Variants in HSPG2 observed in about 807,000 individuals in gnomAD.
The protein encoded by HSPG2 is heparan sulfate proteoglycan 2.
HSPG2 carries 278 observed loss-of-function variants against 526.6 expected under a neutral mutation model. The ratio of observed to expected loss-of-function variants is 0.53; its 90% CI spans 0.48 to 0.58. The LOEUF is 0.58. Ranked by LOEUF, HSPG2 falls within the 20% of genes least tolerant of loss-of-function variation. The probability of loss-of-function intolerance (pLI) is 0.00; values close to 1 mark genes in which losing one functional copy is unlikely to be tolerated. For synonymous variants in HSPG2, 2,465 were observed against 2,555.4 expected, an observed-to-expected ratio of 0.96 and a Z score of 1.07; for missense variants, 5,354 against 6,099.5, an observed-to-expected ratio of 0.88 and a Z score of 4.07.
At chr1:21,912,596 G>A (rs951449292) in intron 1 of HSPG2, among the ~76,000 whole-genome samples, 2 of 152,170 alleles carry the variant, frequency 1.3e-5, no homozygotes, top group Admixed American at 6.5e-5. Context: ...GAGGGCCTGG[G>A]TTCAATCCCA....
chr1:21,823,606 C>G lies in HSPG2; in HGVS notation c.13003+10G>C. 6.2e-7 allele frequency: 1 copy of G among 1,612,856 alleles called. No individual in the cohort carries two copies. Among genetic ancestry groups the G allele is most frequent in the Non-Finnish European group, 8.5e-7 (1 of 1,179,092 alleles). ...CCTGCCCCTGCCCTGAGAAGGAGCCCCAGACTTACCGATGTAGACGCTGCC... is the reference window on the plus strand; with the variant it reads ...CCTGCCCCTGCCCTGAGAAGGAGCCGCAGACTTACCGATGTAGACGCTGCC... On this transcript the variant is annotated intron_variant, in intron 96 of 96. Coordinates refer to ENST00000374695, the MANE Select transcript of HSPG2 (RefSeq NM_005529.7).
chr1:21,919,569 G>A (rs1196142870), intron 1 of HSPG2, among the ~76,000 whole-genome samples: 2 of 152,184 alleles, frequency 1.3e-5, no homozygotes, highest in Non-Finnish European at 2.9e-5. Flanking sequence ...AAGAGTATGA[G>A]CATTGATGGA....
chr1:21,875,890 G>T lies in HSPG2; in HGVS notation c.3156C>A (p.Pro1052=), dbSNP rs1253885726. ...HVAQEPSPGQ[P]STFIVPFREQ... is the part of the protein sequence containing the mutation. ...CCCGGAAAGGCACAATGAAGGTGCTGGGCTGGCCGGGGCTGGGCTCCTGGG... is the reference window on the plus strand; with the variant it reads ...CCCGGAAAGGCACAATGAAGGTGCTTGGCTGGCCGGGGCTGGGCTCCTGGG... Residue 1052 remains proline (P), a synonymous_variant, in exon 24 of 97, where the codon CCC becomes CCA. Transcript: ENST00000374695. The T allele has an allele frequency of 6.2e-7, 1 of 1,614,096 alleles. No individual in the cohort carries two copies. Among genetic ancestry groups the T allele is most frequent in the African/African-American group, 1.3e-5 (1 of 75,066 alleles).
At chr1:21,850,230 A>G in intron 56 of HSPG2, 38 bp from the exon 57 acceptor site, 1 of 1,612,882 alleles carries the variant, frequency 6.2e-7, no homozygotes, top group Non-Finnish European at 8.5e-7. Flanking sequence ...GCCGGCTAGG[A>G]GGTGAGATGA....
rs2152684434 is a variant in HSPG2 at position 21,824,960 on chromosome 1, A to C, written c.12590-181T>G. On this transcript the variant is annotated intron_variant, in intron 91 of 96. Coordinates refer to ENST00000374695, the MANE Select transcript of HSPG2 (RefSeq NM_005529.7). The surrounding 1 kb of genome is among the most constrained non-coding windows in gnomAD (Gnocchi z 5.9). ...GGGAGCCTATGACCTTGGATGGGAA[A>C]GCATTACACCTCAATTTCACTCACT... is the stretch of plus-strand genomic sequence containing the variant. 1.5e-6 allele frequency: 1 copy of C among 655,664 alleles called. No individual in the cohort carries two copies. The allele number at this position is 655,664 out of a possible 1,614,324, so 40.6% of individuals were successfully genotyped here. A position where few individuals can be genotyped will look rare whatever the true frequency, so the allele number is the denominator to read the frequency against.
rs2152694030 is a variant in HSPG2 at position 21,832,590 on chromosome 1, A to G, written c.11112T>C (p.Asn3704=). ...GGCTCCCTGGGACTCGCTTCTGCCCATTGTACAGCAGCATCCCTGGGTGGG... is the reference window on the plus strand; with the variant it reads ...GGCTCCCTGGGACTCGCTTCTGCCCGTTGTACAGCAGCATCCCTGGGTGGG... The part of the protein sequence containing the change: ...PDSADGMLLY[N]GQKRVPGSPT... Residue 3704 remains asparagine, a synonymous_variant, in exon 81 of 97, where the codon AAT becomes AAC. Coordinates refer to ENST00000374695, the MANE Select transcript of HSPG2 (RefSeq NM_005529.7). The G allele has an allele frequency of 6.2e-7, 1 of 1,614,052 alleles. No homozygotes were observed. The highest frequency in any genetic ancestry group is 8.5e-7 in the Non-Finnish European group (1 of 1,179,958).
intron 70 of HSPG2, 41 bp from the exon 71 acceptor site, chr1:21,841,326 T>C (rs760877095): frequency 1.2e-6 from 2 of 1,610,220 alleles, no homozygotes; most frequent in South Asian, 1.1e-5. Context: ...CAGGCAGGGC[T>C]CTGCTGCTCA....
At chr1:21,844,046 C>G (rs1258038159) in intron 65 of HSPG2, 102 bp downstream of exon 65, 30 of 1,499,548 alleles carry the variant, frequency 2.0e-5, no homozygotes, top group Non-Finnish European at 2.5e-5. Context: ...CTGCCATTTC[C>G]CACAAGCCCC....
rs746201509 is a variant in HSPG2, at chr1:21,838,974, C to T, written c.10001G>A (p.Arg3334His). 100 of 1,612,504 alleles carry T rather than the reference C, an allele frequency of 6.2e-5. 2 individuals are homozygous for T. The highest frequency in any genetic ancestry group is 2.9e-4 in the South Asian group (26 of 91,042). The change falls in exon 74 of 97, where the codon CGC (arginine) becomes CAC (histidine). Residue 3334 changes from arginine (R) to histidine (H), a missense_variant. Physicochemically the swap from Arg to His is conservative, Grantham distance 29. Coordinates refer to ENST00000374695, the MANE Select transcript of HSPG2 (RefSeq NM_005529.7). ...CCTCCCAGGAAGGCTGCTGCCCACGCGGCTCCACTGGAAGGTGAGTGGGGG... is the reference window on the plus strand; with the variant it reads ...CCTCCCAGGAAGGCTGCTGCCCACGTGGCTCCACTGGAAGGTGAGTGGGGG... ...GTPPLTFQWS[R>H]VGSSLPGRAT... is the part of the protein sequence containing the mutation.
At chr1:21,832,934 G>C (rs1361310466) in intron 80 of HSPG2, 2 of 557,748 alleles carry the variant, frequency 3.6e-6, no homozygotes, top group Non-Finnish European at 6.4e-6. Flanking sequence ...ACGAGAGAAA[G>C]AGAGGAGGAA....
Position 21,857,015 on chromosome 1 carries a change from C to T in HSPG2, c.5575G>A (p.Ala1859Thr). 6.2e-7 allele frequency: 1 copy of T among 1,614,042 alleles called. No homozygotes were observed. The highest frequency in any genetic ancestry group is 8.5e-7 in the Non-Finnish European group (1 of 1,179,928). Residue 1859 changes from alanine (A) to threonine (T), a missense_variant and splice_region_variant, in exon 44 of 97, where the codon GCC becomes ACC. Physicochemically the swap from Ala to Thr is moderately conservative, Grantham distance 58. Transcript: ENST00000374695. Reference protein sequence around the residue: ...DQGTATLHVQASGTLSAPVVS... With the variant: ...DQGTATLHVQTSGTLSAPVVS... ...AATCAGGTATAGATGGGAGGTGTACCCTGCACATGTAGAGTGGCTGTGCCC... is the reference window on the plus strand; with the variant it reads ...AATCAGGTATAGATGGGAGGTGTACTCTGCACATGTAGAGTGGCTGTGCCC...
At chr1:21,896,134 C>T in intron 2 of HSPG2, 41 bp downstream of exon 2, 1 of 1,612,280 alleles carries the variant, frequency 6.2e-7, no homozygotes, top group African/African-American at 1.3e-5. Context: ...CACAGTCTCA[C>T]CCCCCACCCC....
rs760393137 is a variant in HSPG2, at chr1:21,824,747, C to T, written c.12622G>A (p.Asp4208Asn). ...CCAGGGAAGGCGAGGAAGCCATCAT[C>T]GTGGAAATAGGCTCCGTACTGCCCA... The part of the protein sequence containing the change: ...APGQYGAYFH[D>N]DGFLAFPGHV... Residue 4208 changes from aspartate (D) to asparagine (N), a missense_variant, in exon 92 of 97, where the codon GAT (aspartate) becomes AAT (asparagine). Asp to Asn is a conservative substitution (Grantham distance 23). Coordinates refer to ENST00000374695, the MANE Select transcript of HSPG2 (RefSeq NM_005529.7). This position sits in a 1 kb window ranked among gnomAD's most constrained non-coding sequence, Gnocchi z 5.9. The T allele has an allele frequency of 8.1e-6, 13 of 1,613,432 alleles. No homozygotes were observed. Among genetic ancestry groups the T allele is most frequent in the East Asian group, 6.7e-5 (3 of 44,900 alleles).
intron 75 of HSPG2, among the ~76,000 whole-genome samples, chr1:21,836,462 C>T (rs1308276990): frequency 6.6e-6 from 1 of 152,200 alleles, no homozygotes; most frequent in Non-Finnish European, 1.5e-5. Flanking sequence ...GTTGGGATTA[C>T]AGGTGCCCAC....
Position 21,836,819 on chromosome 1 carries a change from C to A in HSPG2, c.10338G>T (p.Val3446=). ...CCACTCACCGGAGCACCCCATCCTG[C>A]ACGCTGTGACCCGGAGGCAGCTGAC... The part of the protein sequence containing the change: ...EGGQLPPGHS[V]QDGVLRIQNL... Residue 3446 remains valine (V), a synonymous_variant, in exon 75 of 97, where the codon GTG becomes GTT. Coordinates refer to ENST00000374695, the MANE Select transcript of HSPG2 (RefSeq NM_005529.7). 6.4e-7 allele frequency: 1 copy of A among 1,568,906 alleles called. No homozygotes were observed. Among genetic ancestry groups the A allele is most frequent in the Non-Finnish European group, 8.6e-7 (1 of 1,160,164 alleles).
chr1:21,923,574 C>T (rs1319966170), intron 1 of HSPG2, among the ~76,000 whole-genome samples: 1 of 152,210 alleles, frequency 6.6e-6, no homozygotes, highest in East Asian at 1.9e-4. Context: ...AGGTCCTCTC[C>T]TCCCACAGGC....
chr1:21,860,336 G>A, intron 39 of HSPG2, 101 bp from the exon 40 acceptor site: 2 of 1,093,064 alleles, frequency 1.8e-6, no homozygotes, highest in Non-Finnish European at 2.7e-6. Context: ...CCCAATGTCA[G>A]GTGAGGAGGC....
At position 21,830,093 on chromosome 1, in the gene HSPG2, T is replaced by TG. The variant is rs1258389647; in HGVS notation, c.11672-3dup. The TG allele has an allele frequency of 1.9e-6, 3 of 1,591,218 alleles. No homozygotes were observed. The highest frequency in any genetic ancestry group is 2.3e-5 in the South Asian group (2 of 87,896). ...AGGTGGCGTCGGGCCCACAGGCCTC[T>TG]GGGGGGCACATAGGCCAGTGAAAAG... On this transcript the variant is annotated splice_polypyrimidine_tract_variant and splice_region_variant and intron_variant, in intron 85 of 96. Transcript: ENST00000374695.
At position 21,898,135 on chromosome 1, in the gene HSPG2, A is replaced by T. The variant is rs1642879718; in HGVS notation, c.64-1825T>A. Among the ~76,000 whole-genome samples the T allele has an allele frequency of 6.6e-6, 1 of 152,240 alleles. No individual in the cohort carries two copies. The highest frequency in any genetic ancestry group is 2.1e-4 in the South Asian group (1 of 4,834). On this transcript the variant is annotated intron_variant, in intron 1 of 96. Coordinates refer to ENST00000374695, the MANE Select transcript of HSPG2 (RefSeq NM_005529.7). The surrounding 1 kb of genome is among the most constrained non-coding windows in gnomAD (Gnocchi z 4.0). The stretch of plus-strand genomic sequence containing the variant: ...TATGAATTCCAGTCACTCTGTGAAG[A>T]TGACTTGCTTTGGGGAGGCACTACC...
Sources: allele counts gnomAD v4.1 joint callset (sites outside exome capture counted in the v4.1 genomes callset), GRCh38; gene constraint gnomAD v4.1.1; non-coding constraint Gnocchi (gnomAD v3.1); transcripts MANE v1.5; gene names NCBI Gene and HGNC (gene_info 2026-07-23, HGNC 2026-07-21).